Variants in VWA8 observed in about 807,000 individuals in gnomAD.
VWA8 encodes von Willebrand factor A domain containing 8.
Under a neutral mutation model 241.5 loss-of-function variants are expected in VWA8, and 221 were observed. The ratio of observed to expected loss-of-function variants is 0.91; its 90% CI spans 0.82 to 1.02. The LOEUF (loss-of-function observed/expected upper bound fraction) is 1.02. VWA8 is among the 50% of genes least tolerant of loss of function. VWA8 has a pLI of 0.00. For missense variants in VWA8, 2,322 were observed against 2,328.7 expected (o/e 1.00, Z 0.06); for synonymous variants, 852 against 827.1 (o/e 1.03, Z -0.52).
intron 28 of VWA8, among the ~76,000 whole-genome samples, chr13:41,700,101 A>C (rs1199874145): frequency 6.6e-6 from 1 of 152,154 alleles, no homozygotes; most frequent in Non-Finnish European, 1.5e-5. Flanking sequence ...ACTTTTGCAT[A>C]ATGAATGGTA....
chr13:41,796,634 G>GT (rs1190360917), intron 17 of VWA8, among the ~76,000 whole-genome samples: 3 of 151,732 alleles, frequency 2.0e-5, no homozygotes, highest in Admixed American at 2.0e-4. Context: ...TGATTATTTT[G>GT]TTTGTTAGTT....
chr13:41,957,401 CCT>C (rs1435869603), intron 1 of VWA8, among the ~76,000 whole-genome samples: 1 of 152,134 alleles, frequency 6.6e-6, no homozygotes, highest in Non-Finnish European at 1.5e-5. Context: ...GTCCATGAAA[CCT>C]CTTTTTCTTC....
chr13:41,595,284 A>T (rs181576233), intron 40 of VWA8, among the ~76,000 whole-genome samples: 6 of 152,132 alleles, frequency 3.9e-5, no homozygotes, highest in African/African-American at 1.4e-4. Context: ...GACTGTTTCC[A>T]TTACATATGC....
intron 42 of VWA8, among the ~76,000 whole-genome samples, chr13:41,578,409 C>T (rs34756176): frequency 6.6e-6 from 1 of 151,902 alleles, no homozygotes; most frequent in East Asian, 1.9e-4. Context: ...CATTCCCTGG[C>T]GTTACTGCAG....
intron 17 of VWA8, among the ~76,000 whole-genome samples, chr13:41,803,667 G>C (rs1870060713): frequency 6.6e-6 from 1 of 152,064 alleles, no homozygotes; most frequent in Non-Finnish European, 1.5e-5. Context: ...ACAATTTGTG[G>C]GAATTATGGG....
At chr13:41,588,297 A>G (rs1194249433) in intron 41 of VWA8, among the ~76,000 whole-genome samples, 1 of 152,222 alleles carries the variant, frequency 6.6e-6, no homozygotes, top group Admixed American at 6.5e-5. Context: ...GGCAGTTTGA[A>G]AGCATAAAAG....
chr13:41,754,083 A>G (rs774409313), intron 21 of VWA8, among the ~76,000 whole-genome samples: 13 of 152,122 alleles, frequency 8.5e-5, no homozygotes, highest in Non-Finnish European at 1.3e-4. Flanking sequence ...GTGTCAGTCT[A>G]GTCAGTAAAA....
At chr13:41,926,175 G>A in intron 2 of VWA8, 1 of 627,702 alleles carries the variant, frequency 1.6e-6, no homozygotes, top group Non-Finnish European at 2.9e-6. Flanking sequence ...CAAGAAGGGT[G>A]AGCTGAGCAT....
intron 14 of VWA8, among the ~76,000 whole-genome samples, chr13:41,824,552 G>A (rs138613899): frequency 4.6e-5 from 7 of 152,210 alleles, no homozygotes; most frequent in Non-Finnish European, 1.0e-4. Context: ...TATTGGATGG[G>A]TGCAGTGTCT....
chr13:41,809,267 T>G (rs887616980), intron 17 of VWA8, among the ~76,000 whole-genome samples: 3 of 152,048 alleles, frequency 2.0e-5, no homozygotes, highest in African/African-American at 7.2e-5. Context: ...ATCCTAAAAT[T>G]TATATGAAAC....
chr13:41,742,224 G>A (rs1247806575), intron 21 of VWA8, among the ~76,000 whole-genome samples: 1 of 152,188 alleles, frequency 6.6e-6, no homozygotes, highest in African/African-American at 2.4e-5. Context: ...AGACAGGATT[G>A]GAGAAGATTC....
chr13:41,898,468 A>T (rs59043059), intron 4 of VWA8, among the ~76,000 whole-genome samples: 1 of 152,224 alleles, frequency 6.6e-6, no homozygotes. Context: ...TGAGCTAGAC[A>T]TAAAGACTCT....
intron 17 of VWA8, among the ~76,000 whole-genome samples, chr13:41,792,376 A>C (rs1469313917): frequency 6.6e-6 from 1 of 151,946 alleles, no homozygotes; most frequent in Admixed American, 6.6e-5. Context: ...CCATGTATTG[A>C]CAAGCCAACA....
intron 1 of VWA8, among the ~76,000 whole-genome samples, chr13:41,959,979 T>C (rs1054042012): frequency 6.6e-6 from 1 of 152,154 alleles, no homozygotes; most frequent in African/African-American, 2.4e-5. Flanking sequence ...AAACCTACAA[T>C]TTCATAGTGA....
intron 26 of VWA8, among the ~76,000 whole-genome samples, chr13:41,713,231 T>A (rs551222286): frequency 6.6e-6 from 1 of 152,168 alleles, no homozygotes; most frequent in East Asian, 1.9e-4. Context: ...AAAATTCCAG[T>A]GTCCGGAGAG....
chr13:41,787,310 A>G lies in VWA8; in HGVS notation c.2170+127T>C, dbSNP rs942644069. ...CAGATTCATTTCTTCAAACTAATAT[A>G]TAAAACAAAGTAGATGAAAACCAAA... is the stretch of plus-strand genomic sequence containing the variant. On this transcript the variant is annotated intron_variant, in intron 18 of 44. Coordinates refer to ENST00000379310, the MANE Select transcript of VWA8 (RefSeq NM_015058.2). 4 of 685,076 alleles carry G rather than the reference A, an allele frequency of 5.8e-6. No individual in the cohort carries two copies. In the African/African-American group the frequency reaches 7.4e-5, roughly 13 times the overall value. 42.4% of individuals were successfully genotyped at this position (685,076 alleles called of 1,614,324 possible). A position where few individuals can be genotyped will look rare whatever the true frequency, so the allele number is the denominator to read the frequency against.
At chr13:41,583,503 C>T (rs1235713918) in intron 42 of VWA8, among the ~76,000 whole-genome samples, 6 of 151,806 alleles carry the variant, frequency 4.0e-5, no homozygotes, top group African/African-American at 9.7e-5. Flanking sequence ...ATTAGCCGGG[C>T]GTGGTGGCAC....
intron 42 of VWA8, among the ~76,000 whole-genome samples, chr13:41,587,180 T>G (rs555157683): frequency 1.3e-5 from 2 of 152,244 alleles, no homozygotes; most frequent in East Asian, 3.9e-4. Flanking sequence ...GAAGGCTGCT[T>G]GGCTAGTGAT....
At chr13:41,651,475 C>T (rs1299777612) in intron 37 of VWA8, among the ~76,000 whole-genome samples, 2 of 152,112 alleles carry the variant, frequency 1.3e-5, no homozygotes, top group Non-Finnish European at 2.9e-5. Context: ...AGTTGGCAAA[C>T]TTTTCTATAA....
Sources: allele counts gnomAD v4.1 joint callset (sites outside exome capture counted in the v4.1 genomes callset), GRCh38; gene constraint gnomAD v4.1.1; transcripts MANE v1.5; gene names NCBI Gene and HGNC (gene_info 2026-07-23, HGNC 2026-07-21).